Variants in OXSR1 observed in about 807,000 individuals in gnomAD.
OXSR1 encodes oxidative stress responsive kinase 1, also known as serine/threonine-protein kinase OSR1.
OXSR1 carries 24 observed loss-of-function variants against 79.8 expected under a neutral mutation model. That is an observed-to-expected ratio of 0.30 (90% CI 0.22 to 0.42). The LOEUF is 0.42. Ranked by LOEUF, OXSR1 falls within the 10% of genes least tolerant of loss-of-function variation. The pLI, the probability that OXSR1 is intolerant of heterozygous loss-of-function variation, is 1.00. For synonymous variants in OXSR1, 226 were observed against 209.2 expected, an observed-to-expected ratio of 1.08 and a Z score of -0.69; for missense variants, 430 against 618.4, an observed-to-expected ratio of 0.70 and a Z score of 3.23.
At chr3:38,190,295 T>C (rs1352842152) in intron 2 of OXSR1, among the ~76,000 whole-genome samples, 1 of 152,062 alleles carries the variant, frequency 6.6e-6, no homozygotes, top group Non-Finnish European at 1.5e-5. Context: ...GTGAGAATTA[T>C]TTCACAAAAA....
intron 4 of OXSR1, among the ~76,000 whole-genome samples, chr3:38,199,348 C>T (rs971018185): frequency 1.3e-5 from 2 of 151,040 alleles, no homozygotes; most frequent in Admixed American, 6.6e-5. Flanking sequence ...ACTGCAACCT[C>T]GAACTCCTGG....
chr3:38,221,297 T>G (rs2125835676), intron 5 of OXSR1, among the ~76,000 whole-genome samples: 1 of 152,142 alleles, frequency 6.6e-6, no homozygotes, highest in East Asian at 1.9e-4. Context: ...GTTTTTTTTG[T>G]TTTGTAAAGA....
intron 12 of OXSR1, among the ~76,000 whole-genome samples, chr3:38,243,101 C>T (rs1703069504): frequency 1.3e-5 from 2 of 151,756 alleles, no homozygotes; most frequent in African/African-American, 2.4e-5. Context: ...GGTGTGATCA[C>T]GGCTCACTGC....
At chr3:38,190,863 T>C in intron 3 of OXSR1, 24 bp downstream of exon 3, 1 of 1,227,640 alleles carries the variant, frequency 8.1e-7, no homozygotes, top group Non-Finnish European at 1.2e-6. Flanking sequence ...AAGGAAATGC[T>C]ATAAGTACCA....
rs1017868924 is a variant in OXSR1, at chr3:38,165,695, C to T, written c.-182C>T. 8 of 553,664 alleles carry T rather than the reference C, an allele frequency of 1.4e-5. No homozygotes were observed. The highest frequency in any genetic ancestry group is 3.5e-5 in the Admixed American group (1 of 28,302). 34.3% of individuals were successfully genotyped at this position (553,664 alleles called of 1,614,324 possible). ...AGGCGAGGTCCGCCGGAGCTCTGAGCCCCCGCTGCTCTGCCGCGCGGTGAC... is the reference window on the plus strand; with the variant it reads ...AGGCGAGGTCCGCCGGAGCTCTGAGTCCCCGCTGCTCTGCCGCGCGGTGAC... On this transcript the variant is annotated 5_prime_UTR_variant, in exon 1 of 18. Coordinates refer to ENST00000311806, the MANE Select transcript of OXSR1 (RefSeq NM_005109.3).
At chr3:38,196,522 A>G (rs1365178441) in intron 3 of OXSR1, among the ~76,000 whole-genome samples, 2 of 152,206 alleles carry the variant, frequency 1.3e-5, no homozygotes, top group Non-Finnish European at 2.9e-5. Flanking sequence ...AACTGAAGAT[A>G]AATTGTTATG....
At position 38,177,699 on chromosome 3, in the gene OXSR1, C is replaced by G. The variant is rs541289373; in HGVS notation, c.71-5304C>G. The stretch of plus-strand genomic sequence containing the variant: ...TCCTGGGCCCAAGCAATCTTCCCAT[C>G]TCAGCCTCCCCAGTAGCTGGGACTA... On this transcript the variant is annotated intron_variant, in intron 1 of 17. Transcript: ENST00000311806. Among the ~76,000 whole-genome samples the G allele has an allele frequency of 1.8e-4, 27 of 152,158 alleles. No individual in the cohort carries two copies. The South Asian group carries it at 5.6e-3, about 32-fold the overall frequency.
chr3:38,214,524 C>T (rs1313512469), intron 4 of OXSR1, among the ~76,000 whole-genome samples: 1 of 152,096 alleles, frequency 6.6e-6, no homozygotes, highest in Non-Finnish European at 1.5e-5. Context: ...TTTAGGTGAG[C>T]TCAGAAAAGG....
rs117855014 is a variant in OXSR1 at position 38,213,021 on chromosome 3, G to A, written c.435-3075G>A. Among the ~76,000 whole-genome samples the A allele has an allele frequency of 9.1e-4, 139 of 152,266 alleles. 1 individual carries two copies. In the East Asian group the frequency reaches 0.024, roughly 27 times the overall value. On this transcript the variant is annotated intron_variant, in intron 4 of 17. Coordinates refer to ENST00000311806, the MANE Select transcript of OXSR1 (RefSeq NM_005109.3). Reference sequence around the variant, plus strand: ...ACTTTTGGTTTCAAAAGGGAAACATGGATTGATTATCTGGGGCATTGATCA... The same window carrying A: ...ACTTTTGGTTTCAAAAGGGAAACATAGATTGATTATCTGGGGCATTGATCA...
intron 2 of OXSR1, 48 bp downstream of exon 2, chr3:38,183,163 C>A: frequency 1.1e-6 from 1 of 917,314 alleles, no homozygotes; most frequent in Non-Finnish European, 1.7e-6. Context: ...CTCATATATT[C>A]ACATTACAAT....
chr3:38,229,133 GT>G (rs1702754053), intron 8 of OXSR1, among the ~76,000 whole-genome samples: 1 of 152,156 alleles, frequency 6.6e-6, no homozygotes, highest in African/African-American at 2.4e-5. Flanking sequence ...TAAACACTGA[GT>G]TTTGTTAAAT....
chr3:38,185,516 G>A (rs1253241750), intron 2 of OXSR1, among the ~76,000 whole-genome samples: 1 of 152,206 alleles, frequency 6.6e-6, no homozygotes, highest in Non-Finnish European at 1.5e-5. Flanking sequence ...AACCTGGGAG[G>A]CAGAGGTTGC....
chr3:38,189,272 G>C (rs1332962820), intron 2 of OXSR1, among the ~76,000 whole-genome samples: 1 of 151,734 alleles, frequency 6.6e-6, no homozygotes, highest in Non-Finnish European at 1.5e-5. Context: ...GAATCATCTT[G>C]CAACATTAAC....
Position 38,246,140 on chromosome 3 carries a change from A to C in OXSR1, c.1176A>C (p.Leu392=). The C allele has an allele frequency of 1.2e-6, 2 of 1,613,552 alleles. No homozygotes were observed. The highest frequency in any genetic ancestry group is 1.7e-6 in the Non-Finnish European group (2 of 1,179,634). ...TTCCAGAACAGATCTCTGCTCATCTACCTCAGCCAGCTGGGCAGATTGCTA... is the reference window on the plus strand; with the variant it reads ...TTCCAGAACAGATCTCTGCTCATCTCCCTCAGCCAGCTGGGCAGATTGCTA... The part of the protein sequence containing the change: ...LQVPEQISAH[L]PQPAGQIATQ... Residue 392 remains leucine, a synonymous_variant, in exon 13 of 18, where the codon CTA becomes CTC. Coordinates refer to ENST00000311806, the MANE Select transcript of OXSR1 (RefSeq NM_005109.3).
chr3:38,230,903 T>C, intron 10 of OXSR1, among the ~76,000 whole-genome samples: 1 of 152,226 alleles, frequency 6.6e-6, no homozygotes, highest in East Asian at 1.9e-4. Context: ...ATATTAATCT[T>C]CCTGTCCATG....
intron 7 of OXSR1, 63 bp downstream of exon 7, chr3:38,223,976 C>A: frequency 2.1e-6 from 2 of 971,918 alleles, no homozygotes; most frequent in Non-Finnish European, 3.1e-6. Context: ...GAGCCATTTG[C>A]CAGTCTTTTA....
intron 17 of OXSR1, 44 bp downstream of exon 17, chr3:38,252,436 C>G: frequency 7.9e-7 from 1 of 1,265,714 alleles, no homozygotes; most frequent in South Asian, 1.2e-5. Flanking sequence ...GCCTTTTATA[C>G]ACTGGCAGCT....
At chr3:38,227,864 G>A (rs1702724478) in intron 8 of OXSR1, among the ~76,000 whole-genome samples, 1 of 152,170 alleles carries the variant, frequency 6.6e-6, no homozygotes, top group African/African-American at 2.4e-5. Flanking sequence ...AGACTTGACA[G>A]CTACTTCCCC....
chr3:38,252,268 G>C, intron 16 of OXSR1, 60 bp from the exon 17 acceptor site: 1 of 1,147,672 alleles, frequency 8.7e-7, no homozygotes, highest in Non-Finnish European at 1.3e-6. Flanking sequence ...TTTAAAATAT[G>C]GTTGAAAGTG....
Sources: allele counts gnomAD v4.1 joint callset (sites outside exome capture counted in the v4.1 genomes callset), GRCh38; gene constraint gnomAD v4.1.1; transcripts MANE v1.5; gene names NCBI Gene and HGNC (gene_info 2026-07-23, HGNC 2026-07-21).